AKAP19: variants seen among roughly 807,000 people sequenced by gnomAD.
AKAP19 encodes the protein A-kinase anchoring protein 19.
the AKAP19 span, among the ~76,000 whole-genome samples, chr2:190,157,073 A>G: frequency 6.6e-6 from 1 of 152,120 alleles, no homozygotes; most frequent in South Asian, 2.1e-4. Flanking sequence ...AAAGAAATCA[A>G]TTCGGTTCTT....
chr2:190,200,968 A>ACTAT, the AKAP19 span: 6 of 167,058 alleles, frequency 3.6e-5, no homozygotes, highest in East Asian at 3.8e-4. Flanking sequence ...ATTAAGCTTT[A>ACTAT]CTATCTCAGA....
At chr2:190,033,735 T>G in the AKAP19 span, among the ~76,000 whole-genome samples, 1 of 152,194 alleles carries the variant, frequency 6.6e-6, no homozygotes, top group African/African-American at 2.4e-5. Context: ...CTTAATAGCT[T>G]TGGTAGTGCT....
At chr2:189,999,098 C>A in the AKAP19 span, among the ~76,000 whole-genome samples, 1 of 151,800 alleles carries the variant, frequency 6.6e-6, no homozygotes, top group Non-Finnish European at 1.5e-5. Flanking sequence ...GACTTCTCTT[C>A]TAAGCATTAT....
the AKAP19 span, among the ~76,000 whole-genome samples, chr2:189,925,573 A>G: frequency 6.6e-6 from 1 of 152,156 alleles, no homozygotes; most frequent in East Asian, 1.9e-4. Flanking sequence ...CCAACTGGAC[A>G]TGTCCATAGG....
At chr2:190,032,866 G>A in the AKAP19 span, among the ~76,000 whole-genome samples, 1 of 152,058 alleles carries the variant, frequency 6.6e-6, no homozygotes, top group African/African-American at 2.4e-5. Flanking sequence ...GCATGAATAT[G>A]CTCTTAAATA....
At chr2:189,982,121 T>C in the AKAP19 span, among the ~76,000 whole-genome samples, 1 of 152,190 alleles carries the variant, frequency 6.6e-6, no homozygotes, top group African/African-American at 2.4e-5. Context: ...TTCTAGCTTT[T>C]TCTTTTCTCT....
chr2:189,972,164 T>A, the AKAP19 span, among the ~76,000 whole-genome samples: 1 of 152,196 alleles, frequency 6.6e-6, no homozygotes, highest in Non-Finnish European at 1.5e-5. Flanking sequence ...TTGTATAAGG[T>A]GTAAAGAAGG....
the AKAP19 span, among the ~76,000 whole-genome samples, chr2:190,106,018 A>G: frequency 6.6e-6 from 1 of 152,268 alleles, no homozygotes; most frequent in Non-Finnish European, 1.5e-5. Context: ...AAGCATAAGT[A>G]AGAAAAAAGA....
the AKAP19 span, among the ~76,000 whole-genome samples, chr2:190,166,317 CTTTTTTT>C: frequency 2.0e-4 from 13 of 65,300 alleles, no homozygotes; most frequent in South Asian, 1.4e-3. Context: ...AAAATCCACT[CTTTTTTT>C]TTTTTTTTTT....
the AKAP19 span, chr2:190,199,876 TCAAAG>T: frequency 2.5e-6 from 4 of 1,613,688 alleles, no homozygotes; most frequent in Non-Finnish European, 3.4e-6. Flanking sequence ...CTGCATGAAA[TCAAAG>T]CAAACTTTCC....
At chr2:190,082,618 A>G in the AKAP19 span, among the ~76,000 whole-genome samples, 1 of 152,244 alleles carries the variant, frequency 6.6e-6, no homozygotes, top group Admixed American at 6.5e-5. Context: ...GTACAGCTGG[A>G]TTGCAAACAA....
At chr2:189,969,206 T>C in the AKAP19 span, among the ~76,000 whole-genome samples, 3 of 152,086 alleles carry the variant, frequency 2.0e-5, no homozygotes, top group Non-Finnish European at 1.5e-5. Context: ...AGTAGGTCCT[T>C]TGGGAGGTGA....
chr2:190,172,812 C>G, the AKAP19 span, among the ~76,000 whole-genome samples: 1 of 152,136 alleles, frequency 6.6e-6, no homozygotes, highest in Non-Finnish European at 1.5e-5. Context: ...GCTAGTGTGA[C>G]AATTAGATGA....
At chr2:190,119,989 C>T in the AKAP19 span, among the ~76,000 whole-genome samples, 65 of 152,216 alleles carry the variant, frequency 4.3e-4, no homozygotes, top group Admixed American at 3.7e-3. Context: ...CTTATCAACA[C>T]AAATGAGTAA....
At chr2:189,885,226 A>G in the AKAP19 span, among the ~76,000 whole-genome samples, 1 of 152,206 alleles carries the variant, frequency 6.6e-6, no homozygotes, top group African/African-American at 2.4e-5. Flanking sequence ...ACGTGATGCC[A>G]TACAACTTCC....
the AKAP19 span, among the ~76,000 whole-genome samples, chr2:190,021,320 A>G: frequency 6.6e-6 from 1 of 152,214 alleles, no homozygotes; most frequent in Non-Finnish European, 1.5e-5. Flanking sequence ...TCACCTTATT[A>G]TAATGATTCC....
chr2:190,055,486 AT>A, the AKAP19 span, among the ~76,000 whole-genome samples: 1 of 152,130 alleles, frequency 6.6e-6, no homozygotes, highest in Non-Finnish European at 1.5e-5. Flanking sequence ...TAATAAAAAA[AT>A]AAAAAAAAGA....
the AKAP19 span, among the ~76,000 whole-genome samples, chr2:189,953,634 CAAA>C: frequency 1.2e-4 from 9 of 72,798 alleles, no homozygotes; most frequent in African/African-American, 4.6e-4. Flanking sequence ...AACTCCATCT[CAAA>C]AAAAAAAAAA....
chr2:190,194,873 G>T, the AKAP19 span, among the ~76,000 whole-genome samples: 9 of 152,040 alleles, frequency 5.9e-5, no homozygotes, highest in Non-Finnish European at 1.3e-4. Context: ...TATTTTTTGA[G>T]GTGGGGTCTT....
Sources: allele counts gnomAD v4.1 joint callset (sites outside exome capture counted in the v4.1 genomes callset), GRCh38; gene constraint gnomAD v4.1.1; transcripts MANE v1.5; gene names NCBI Gene and HGNC (gene_info 2026-07-23, HGNC 2026-07-21).